Variants in DBF4B observed in about 807,000 individuals in gnomAD.
DBF4B encodes DBF4B-CDC7 kinase regulatory subunit.
A neutral mutation model predicts 53.4 loss-of-function variants in DBF4B; 49 were observed. The ratio of observed to expected loss-of-function variants is 0.92; its 90% confidence interval spans 0.73 to 1.16. DBF4B has a LOEUF of 1.16. Ranked by LOEUF, DBF4B falls within the 50% of genes most tolerant of loss-of-function variation. DBF4B has a pLI of 0.00. For missense variants in DBF4B, 692 were observed against 775.0 expected (o/e 0.89, Z 1.27); for synonymous variants, 257 against 288.7 (o/e 0.89, Z 1.11).
intron 10 of DBF4B, among the ~76,000 whole-genome samples, chr17:44,745,220 C>T (rs1038536919): frequency 4.1e-4 from 62 of 152,296 alleles, no homozygotes; most frequent in African/African-American, 1.4e-3. Context: ...GTGTGAGCCA[C>T]TGTACCTGGC....
intron 2 of DBF4B, chr17:44,719,711 C>CT (rs36051583): frequency 2.9e-4 from 46 of 160,010 alleles, no homozygotes; most frequent in Non-Finnish European, 3.8e-4. Flanking sequence ...TGAGTTTCCA[C>CT]TTTTTTTTTA....
In DBF4B at chr17:44,752,011, T is replaced by C; in HGVS notation, c.*758T>C. 6.5e-7 allele frequency: 1 copy of C among 1,529,584 alleles called. No individual in the cohort carries two copies. The highest frequency in any genetic ancestry group is 8.8e-7 in the Non-Finnish European group (1 of 1,141,098). The allele number at this position is 1,529,584 out of a possible 1,614,324, so 94.8% of individuals were successfully genotyped here. A position where few individuals can be genotyped will look rare whatever the true frequency, so the allele number is the denominator to read the frequency against. ...AGCCCTCCAGCCCTAACTACTTTAC[T>C]CAGACTAGGTCCCCAGGCCTTTGTT... On this transcript the variant is annotated 3_prime_UTR_variant, in exon 14 of 14. Coordinates refer to ENST00000315005, the MANE Select transcript of DBF4B (RefSeq NM_145663.3).
chr17:44,738,404 C>T lies in DBF4B; in HGVS notation c.693C>T (p.Leu231=). The change falls in exon 9 of 14, where the codon CTC becomes CTT. Residue 231 remains leucine, a synonymous_variant. Coordinates refer to ENST00000315005, the MANE Select transcript of DBF4B (RefSeq NM_145663.3). ...TGGCCAGACTGAAGGCCCCGTTCCTCAAAATCGAAGATGAAAGCAGGTGAG... is the reference window on the plus strand; with the variant it reads ...TGGCCAGACTGAAGGCCCCGTTCCTTAAAATCGAAGATGAAAGCAGGTGAG... ...RKVARLKAPF[L]KIEDESRKFR... 3 of 1,613,840 alleles carry T rather than the reference C, an allele frequency of 1.9e-6. No individual in the cohort carries two copies. The highest frequency in any genetic ancestry group is 2.2e-5 in the East Asian group (1 of 44,878).
chr17:44,730,827 C>A, intron 4 of DBF4B, 138 bp from the exon 5 acceptor site: 1 of 816,474 alleles, frequency 1.2e-6, no homozygotes, highest in South Asian at 1.8e-5. Flanking sequence ...TCATTTCTAC[C>A]AATCCTCAGT....
intron 2 of DBF4B, among the ~76,000 whole-genome samples, chr17:44,717,281 A>G (rs1392826882): frequency 6.6e-6 from 1 of 152,162 alleles, no homozygotes; most frequent in Non-Finnish European, 1.5e-5. Flanking sequence ...TCATCTATTG[A>G]TGTGGATAGA....
chr17:44,734,463 T>C (rs1975159242), intron 7 of DBF4B, among the ~76,000 whole-genome samples: 1 of 152,174 alleles, frequency 6.6e-6, no homozygotes, highest in Non-Finnish European at 1.5e-5. Context: ...ATAAAGTTCA[T>C]AAATGCCCAT....
intron 10 of DBF4B, among the ~76,000 whole-genome samples, chr17:44,745,256 T>TA (rs1460014087): frequency 8.5e-5 from 13 of 152,094 alleles, no homozygotes; most frequent in Admixed American, 3.3e-4. Context: ...AATATATATA[T>TA]TTTTTTCCTA....
chr17:44,720,517 C>T (rs1402609440), intron 2 of DBF4B: 4 of 195,238 alleles, frequency 2.0e-5, no homozygotes, highest in Admixed American at 2.0e-4. Flanking sequence ...TGCCCCTTTT[C>T]ACCTTGCCAC....
At chr17:44,735,263 C>A (rs1975271368) in intron 7 of DBF4B, among the ~76,000 whole-genome samples, 1 of 152,194 alleles carries the variant, frequency 6.6e-6, no homozygotes, top group Non-Finnish European at 1.5e-5. Context: ...TCTCCTCAAC[C>A]ACTGACCTTC....
intron 2 of DBF4B, among the ~76,000 whole-genome samples, chr17:44,718,642 C>T (rs1396530417): frequency 6.6e-6 from 1 of 151,924 alleles, no homozygotes; most frequent in East Asian, 1.9e-4. Context: ...TATCAGGAGG[C>T]ACATGATGAA....
intron 2 of DBF4B, chr17:44,720,077 G>T: frequency 4.0e-6 from 1 of 249,564 alleles, no homozygotes; most frequent in Non-Finnish European, 8.1e-6. Flanking sequence ...ACTTGATTGA[G>T]GACCAGAGGT....
chr17:44,727,114 A>C (rs1402677140), intron 3 of DBF4B, among the ~76,000 whole-genome samples: 2 of 149,432 alleles, frequency 1.3e-5, no homozygotes, highest in African/African-American at 4.9e-5. Flanking sequence ...AAAAAAAAAA[A>C]AAAAAAAACC....
intron 3 of DBF4B, among the ~76,000 whole-genome samples, chr17:44,726,757 G>A (rs557584717): frequency 6.6e-6 from 1 of 152,224 alleles, no homozygotes; most frequent in African/African-American, 2.4e-5. Flanking sequence ...AAATAACACA[G>A]GTGAACAACT....
intron 12 of DBF4B, 86 bp downstream of exon 12, chr17:44,747,601 G>A: frequency 1.3e-6 from 2 of 1,523,696 alleles, no homozygotes; most frequent in South Asian, 2.4e-5. Flanking sequence ...GTTGGTGGCT[G>A]CTGGGACCAG....
intron 13 of DBF4B, 65 bp from the exon 14 acceptor site, chr17:44,750,530 T>C (rs2049255003): frequency 6.6e-6 from 10 of 1,515,416 alleles, no homozygotes; most frequent in Non-Finnish European, 7.9e-6. Flanking sequence ...AATAAATTTG[T>C]TAATTACAAA....
intron 2 of DBF4B, among the ~76,000 whole-genome samples, chr17:44,718,356 G>A (rs1383556065): frequency 1.3e-5 from 2 of 150,256 alleles, no homozygotes; most frequent in Admixed American, 6.7e-5. Context: ...CTGGGAGGCA[G>A]AGGTTGCAGT....
chr17:44,747,117 G>C lies in DBF4B; in HGVS notation c.865G>C (p.Ala289Pro). The change falls in exon 11 of 14, where the codon GCT becomes CCT. Residue 289 changes from alanine to proline, a missense_variant. Around this residue, in one of 3 missense-constraint regions of DBF4B, gnomAD observed 597 missense variants for 665.8 expected, o/e 0.90. Transcript: ENST00000315005. ...SKDGEPSPRSAAHTMPRRKKG... is the reference protein window; with the variant it reads ...SKDGEPSPRSPAHTMPRRKKG... ...GGATGGAGAGCCAAGCCCACGATCA[G>C]CTGCCCACACCATGCCCAGGAGGAA... The C allele has an allele frequency of 6.2e-7, 1 of 1,614,210 alleles. No homozygotes were observed. Among genetic ancestry groups the C allele is most frequent in the Non-Finnish European group, 8.5e-7 (1 of 1,180,032 alleles).
chr17:44,748,272 G>T (rs1420780221), intron 12 of DBF4B, 69 bp from the exon 13 acceptor site: 7 of 1,519,142 alleles, frequency 4.6e-6, no homozygotes, highest in Admixed American at 4.4e-5. Flanking sequence ...CTCTCCCTGT[G>T]CCCTCAGCCC....
intron 5 of DBF4B, 181 bp from the exon 6 acceptor site, chr17:44,731,997 C>T (rs1230904054): frequency 3.4e-6 from 2 of 588,544 alleles, no homozygotes. Flanking sequence ...ATGTGGAGGA[C>T]AGGATGTCTT....
Sources: allele counts gnomAD v4.1 joint callset (sites outside exome capture counted in the v4.1 genomes callset), GRCh38; gene constraint gnomAD v4.1.1; regional missense constraint gnomAD v4.1.1; transcripts MANE v1.5; gene names NCBI Gene and HGNC (gene_info 2026-07-23, HGNC 2026-07-21).